Variants in BRK1 observed in about 807,000 individuals in gnomAD.
The protein encoded by BRK1 is protein BRICK1.
Under a neutral mutation model 9.9 loss-of-function variants are expected in BRK1, and 6 were observed. That is an observed-to-expected ratio of 0.60 (90% CI 0.33 to 1.19). The LOEUF (loss-of-function observed/expected upper bound fraction) is 1.19. Among genes scored for constraint, BRK1 ranks in the 50% most tolerant of loss-of-function variants. BRK1 has a pLI of 0.04. For missense variants in BRK1, 62 were observed against 97.5 expected (o/e 0.64, Z 1.53); for synonymous variants, 44 against 31.9 (o/e 1.38, Z -1.28).
At chr3:10,120,959 TGCTTTCA>T (rs1695748076) in intron 1 of BRK1, among the ~76,000 whole-genome samples, 1 of 152,180 alleles carries the variant, frequency 6.6e-6, no homozygotes, top group Admixed American at 6.5e-5. Context: ...ATACATAACG[TGCTTTCA>T]GACTTCCAAA....
chr3:10,125,574 G>T, intron 1 of BRK1, 52 bp from the exon 2 acceptor site: 2 of 1,093,048 alleles, frequency 1.8e-6, no homozygotes, highest in South Asian at 2.7e-5. Context: ...GTGTGTGTCT[G>T]TGTCTGTGTT....
rs1263195167 is a variant in BRK1, at chr3:10,126,543, C to T, written c.*248C>T. ...ACCTTTTCAGTAACATTTTATACAT[C>T]TACTTGTCAATGTATTTGAGACATT... On this transcript the variant is annotated 3_prime_UTR_variant, in exon 3 of 3. Transcript: ENST00000530758. 2.2e-6 allele frequency: 1 copy of T among 448,530 alleles called. No individual in the cohort carries two copies. Among genetic ancestry groups the T allele is most frequent in the African/African-American group, 2.0e-5 (1 of 49,556 alleles). 27.8% of individuals were successfully genotyped at this position (448,530 alleles called of 1,614,324 possible).
At position 10,125,721 on chromosome 3, in the gene BRK1, G is replaced by A. The variant is rs1296708446; in HGVS notation, c.201+13G>A. The A allele has an allele frequency of 1.3e-6, 2 of 1,578,514 alleles. No homozygotes were observed. Among genetic ancestry groups the A allele is most frequent in the South Asian group, 1.1e-5 (1 of 88,950 alleles). On this transcript the variant is annotated intron_variant, in intron 2 of 2. Coordinates refer to ENST00000530758, the MANE Select transcript of BRK1 (RefSeq NM_018462.5). ...CATTGAAGCTCGGGTGAGTTTGATG[G>A]GCAAGGGCATTCCAGAGAGAATGCA...
chr3:10,116,878 A>G (rs1389630055), intron 1 of BRK1, among the ~76,000 whole-genome samples: 1 of 152,218 alleles, frequency 6.6e-6, no homozygotes, highest in Admixed American at 6.5e-5. Context: ...CTTGAAGATG[A>G]AATAATGACA....
chr3:10,123,700 T>C (rs1232528471), intron 1 of BRK1, among the ~76,000 whole-genome samples: 1 of 137,152 alleles, frequency 7.3e-6, no homozygotes, highest in Non-Finnish European at 1.5e-5. Context: ...CACAAAGTGC[T>C]GGGATTACAG....
intron 1 of BRK1, among the ~76,000 whole-genome samples, chr3:10,121,117 G>C (rs1695750446): frequency 6.6e-6 from 1 of 152,144 alleles, no homozygotes; most frequent in Non-Finnish European, 1.5e-5. Context: ...AAAGAATGAA[G>C]AATGTCCAGA....
chr3:10,124,014 C>T lies in BRK1; in HGVS notation c.119-1612C>T, dbSNP rs111806809. Among the ~76,000 whole-genome samples, 26,838 of 151,630 alleles carry T rather than the reference C, an allele frequency of 0.18. 3,196 individuals carry two copies. The highest frequency in any genetic ancestry group is 0.34 in the African/African-American group (13,913 of 41,186). ...CTTCCCAAAGTGCTGGGATTACAGG[C>T]GTGAGCCATCACGCCCAGCCTCGTT... is the stretch of plus-strand genomic sequence containing the variant. On this transcript the variant is annotated intron_variant, in intron 1 of 2. Transcript: ENST00000530758.
In BRK1 at chr3:10,115,690, C is replaced by T; in HGVS notation, c.-12C>T. 1.2e-6 allele frequency: 2 copies of T among 1,609,868 alleles called. No individual in the cohort carries two copies. The highest frequency in any genetic ancestry group is 8.5e-7 in the Non-Finnish European group (1 of 1,176,214). Reference sequence around the variant, plus strand: ...GGGCGCCTGCGCAGTCGCTCTTCCTCAGGCGGCGGCCATGGCGGGACAGGA... The same window carrying T: ...GGGCGCCTGCGCAGTCGCTCTTCCTTAGGCGGCGGCCATGGCGGGACAGGA... On this transcript the variant is annotated 5_prime_UTR_variant, in exon 1 of 3. Coordinates refer to ENST00000530758, the MANE Select transcript of BRK1 (RefSeq NM_018462.5).
chr3:10,125,894 C>T (rs570610886), intron 2 of BRK1, among the ~76,000 whole-genome samples, 186 bp downstream of exon 2: 1 of 152,026 alleles, frequency 6.6e-6, no homozygotes, highest in Admixed American at 6.6e-5. Context: ...AGTTCGAGTC[C>T]AGCCTGGCCA....
At chr3:10,120,936 C>G (rs1695747853) in intron 1 of BRK1, among the ~76,000 whole-genome samples, 1 of 152,164 alleles carries the variant, frequency 6.6e-6, no homozygotes, top group Non-Finnish European at 1.5e-5. Flanking sequence ...TATTCATGCT[C>G]TTACTCAGTA....
intron 1 of BRK1, among the ~76,000 whole-genome samples, chr3:10,116,943 G>A (rs537136717): frequency 1.1e-4 from 17 of 152,280 alleles, no homozygotes; most frequent in African/African-American, 2.9e-4. Context: ...CATACAGGGT[G>A]TTTAGGACTA....
chr3:10,115,987 C>T (rs772273420), intron 1 of BRK1, among the ~76,000 whole-genome samples, 168 bp downstream of exon 1: 6 of 152,136 alleles, frequency 3.9e-5, no homozygotes, highest in Non-Finnish European at 7.4e-5. Context: ...CCTCAGGCTC[C>T]CGTAGACAGT....
chr3:10,117,566 G>C (rs1211101308), intron 1 of BRK1, among the ~76,000 whole-genome samples: 1 of 151,592 alleles, frequency 6.6e-6, no homozygotes, highest in Non-Finnish European at 1.5e-5. Context: ...GCTGATTTTT[G>C]TGCTTTTAAA....
chr3:10,119,199 A>G (rs1020161219), intron 1 of BRK1, among the ~76,000 whole-genome samples: 15 of 151,760 alleles, frequency 9.9e-5, no homozygotes, highest in African/African-American at 1.7e-4. Flanking sequence ...GCTCATGCCT[A>G]TAATCCCAGC....
At chr3:10,121,372 C>T (rs1695753156) in intron 1 of BRK1, among the ~76,000 whole-genome samples, 4 of 152,030 alleles carry the variant, frequency 2.6e-5, no homozygotes, top group Admixed American at 2.6e-4. Flanking sequence ...AATTATAGCC[C>T]CGGAGGCACA....
At chr3:10,123,389 C>G (rs541035413) in intron 1 of BRK1, among the ~76,000 whole-genome samples, 69 of 150,960 alleles carry the variant, frequency 4.6e-4, no homozygotes, top group Non-Finnish European at 8.3e-4. Flanking sequence ...AACTCTCACA[C>G]CTTCCCTCCC....
chr3:10,118,830 C>T (rs1695719681), intron 1 of BRK1, among the ~76,000 whole-genome samples: 1 of 152,026 alleles, frequency 6.6e-6, no homozygotes, highest in African/African-American at 2.4e-5. Flanking sequence ...GTATGCCTAC[C>T]TCTCCTGCCT....
At chr3:10,118,383 C>T (rs909720571) in intron 1 of BRK1, among the ~76,000 whole-genome samples, 1 of 151,872 alleles carries the variant, frequency 6.6e-6, no homozygotes, top group African/African-American at 2.4e-5. Context: ...TTGAATGAGT[C>T]AGGATGACTA....
At chr3:10,119,550 T>C (rs1695730612) in intron 1 of BRK1, among the ~76,000 whole-genome samples, 2 of 152,130 alleles carry the variant, frequency 1.3e-5, no homozygotes, top group South Asian at 4.1e-4. Flanking sequence ...AGAATCTGCA[T>C]GGGCCATGTA....
Sources: allele counts gnomAD v4.1 joint callset (sites outside exome capture counted in the v4.1 genomes callset), GRCh38; gene constraint gnomAD v4.1.1; transcripts MANE v1.5; gene names NCBI Gene and HGNC (gene_info 2026-07-23, HGNC 2026-07-21).